Variants in SHPRH observed in about 807,000 individuals in gnomAD.
SHPRH encodes SNF2 histone linker PHD RING helicase.
SHPRH carries 106 observed loss-of-function variants against 202.5 expected under a neutral mutation model. The observed-to-expected ratio is 0.52, with a 90% CI of 0.45 to 0.62. The LOEUF (loss-of-function observed/expected upper bound fraction) is 0.62. Among genes scored for constraint, SHPRH ranks in the 20% least tolerant of loss-of-function variants. The pLI, the probability that SHPRH is intolerant of heterozygous loss-of-function variation, is 0.00. For synonymous variants in SHPRH, 729 were observed against 686.0 expected (o/e 1.06, Z -0.98); for missense variants, 1,710 against 2,020.0 (o/e 0.85, Z 2.94).
At chr6:145,865,607 A>G (rs1001741143) in intron 2 of SHPRH, among the ~76,000 whole-genome samples, 2 of 152,208 alleles carry the variant, frequency 1.3e-5, no homozygotes, top group African/African-American at 4.8e-5. Context: ...AATTTCCATC[A>G]CAGTTCAAGC....
intron 28 of SHPRH, among the ~76,000 whole-genome samples, chr6:145,889,328 G>A (rs555674646): frequency 6.6e-6 from 1 of 152,138 alleles, no homozygotes; most frequent in Admixed American, 6.5e-5. Flanking sequence ...AACCAGACAG[G>A]TTGACAGAGA....
chr6:145,917,876 C>T (rs571823221), intron 23 of SHPRH: 2 of 307,184 alleles, frequency 6.5e-6, no homozygotes, highest in South Asian at 3.1e-4. Context: ...CTATTCAAGG[C>T]TTTGAACTAC....
Position 145,943,408 on chromosome 6 carries a change from C to T in SHPRH, c.1973G>A (p.Arg658His), listed in dbSNP as rs201924970. Residue 658 changes from arginine to histidine, a missense_variant, in exon 9 of 30, where the codon CGC (arginine) becomes CAC (histidine). Arg to His is a conservative substitution (Grantham distance 29). Coordinates refer to ENST00000275233, the MANE Select transcript of SHPRH (RefSeq NM_001042683.3). ...TMSPFNTSDYRFECICGELDQ... is the reference protein window; with the variant it reads ...TMSPFNTSDYHFECICGELDQ... Reference sequence around the variant, plus strand: ...AAGTTCACCACATATACACTCAAAGCGGTAATCAGAGGTGTTAAAGGGACT... The same window carrying T: ...AAGTTCACCACATATACACTCAAAGTGGTAATCAGAGGTGTTAAAGGGACT... 699 of 1,613,984 alleles carry T rather than the reference C, an allele frequency of 4.3e-4. 1 individual carries two copies. The highest frequency in any genetic ancestry group is 1.1e-3 in the South Asian group (101 of 91,080).
At chr6:145,955,717 A>G (rs1449745053) in intron 1 of SHPRH, among the ~76,000 whole-genome samples, 1 of 152,162 alleles carries the variant, frequency 6.6e-6, no homozygotes, top group Admixed American at 6.6e-5. Flanking sequence ...ACAATACTTA[A>G]AAGAGCGAAA....
Position 145,943,146 on chromosome 6 carries a change from G to A in SHPRH, c.2235C>T (p.Val745=). The change falls in exon 9 of 30, where the codon GTC becomes GTT. Residue 745 remains valine, a synonymous_variant. Coordinates refer to ENST00000275233, the MANE Select transcript of SHPRH (RefSeq NM_001042683.3). The part of the protein sequence containing the change: ...NRHVRSSSLR[V]LVYQGVKKDG... ...TCTTTAGTCCAAGTGGCCTTACCAA[G>A]ACTCGAAGAGATGACGACCTCACAT... is the stretch of plus-strand genomic sequence containing the variant. 6.3e-7 allele frequency: 1 copy of A among 1,584,784 alleles called. No homozygotes were observed. The highest frequency in any genetic ancestry group is 8.6e-7 in the Non-Finnish European group (1 of 1,163,990).
Position 145,948,266 on chromosome 6 carries a change from C to T in SHPRH, c.1061+6G>A. On this transcript the variant is annotated splice_donor_region_variant and intron_variant, in intron 5 of 29. Coordinates refer to ENST00000275233, the MANE Select transcript of SHPRH (RefSeq NM_001042683.3). ...AATCAAGCATATAAGTAAAATTTTG[C>T]CTTACCAGCCTGTATATGGATTATA... 1.3e-6 allele frequency: 2 copies of T among 1,550,312 alleles called. No homozygotes were observed. The highest frequency in any genetic ancestry group is 1.3e-5 in the South Asian group (1 of 76,610).
intron 14 of SHPRH, among the ~76,000 whole-genome samples, chr6:145,931,290 CTCATT>C (rs1228638633): frequency 6.6e-6 from 1 of 151,772 alleles, no homozygotes; most frequent in Non-Finnish European, 1.5e-5. Context: ...TTCTAATCAT[CTCATT>C]TGTTTTTTGC....
At chr6:145,900,841 T>C (rs1782444740) in intron 25 of SHPRH, among the ~76,000 whole-genome samples, 1 of 152,134 alleles carries the variant, frequency 6.6e-6, no homozygotes, top group Non-Finnish European at 1.5e-5. Flanking sequence ...AAATATGCTG[T>C]ATTGTGATTT....
chr6:145,938,368 G>T (rs940711812), intron 11 of SHPRH, among the ~76,000 whole-genome samples: 1 of 152,118 alleles, frequency 6.6e-6, no homozygotes, highest in Non-Finnish European at 1.5e-5. Flanking sequence ...CTCTAGAATT[G>T]CGAGTTAAAC....
At chr6:145,958,795 T>C (rs1788763702) in intron 1 of SHPRH, among the ~76,000 whole-genome samples, 1 of 152,186 alleles carries the variant, frequency 6.6e-6, no homozygotes, top group South Asian at 2.1e-4. Context: ...TCCTATGGAC[T>C]AGTGACATCA....
At chr6:145,892,294 C>T (rs1781633600) in intron 28 of SHPRH, among the ~76,000 whole-genome samples, 1 of 152,094 alleles carries the variant, frequency 6.6e-6, no homozygotes, top group African/African-American at 2.4e-5. Flanking sequence ...ATAATTATTC[C>T]TTCAAGACTT....
chr6:145,875,757 A>G (rs1780272126), intron 2 of SHPRH, among the ~76,000 whole-genome samples: 1 of 152,168 alleles, frequency 6.6e-6, no homozygotes, highest in Non-Finnish European at 1.5e-5. Flanking sequence ...GCTCCACAGA[A>G]AGCTCTTCAG....
chr6:145,910,713 CA>C lies in SHPRH; in HGVS notation c.4327-78del, dbSNP rs569610071. 1,301 of 1,322,692 alleles carry C rather than the reference CA, an allele frequency of 9.8e-4. 7 individuals carry two copies. In the African/African-American group the frequency reaches 0.018, roughly 18 times the overall value. 81.9% of individuals were successfully genotyped at this position (1,322,692 alleles called of 1,614,324 possible). A position where few individuals can be genotyped will look rare whatever the true frequency, so the allele number is the denominator to read the frequency against. On this transcript the variant is annotated intron_variant, in intron 24 of 29. Coordinates refer to ENST00000275233, the MANE Select transcript of SHPRH (RefSeq NM_001042683.3). ...TATAAGCATATTAAAAAGAGATTCG[CA>C]ATTTTTCCTCCTAAAGATTTCATAA...
chr6:145,891,714 C>A (rs185971185), intron 28 of SHPRH, among the ~76,000 whole-genome samples: 3 of 152,080 alleles, frequency 2.0e-5, no homozygotes, highest in African/African-American at 7.2e-5. Flanking sequence ...GAGGCAAGAT[C>A]GCCATGGGGA....
intron 23 of SHPRH, among the ~76,000 whole-genome samples, chr6:145,913,825 C>T (rs1783707382): frequency 6.6e-6 from 1 of 152,044 alleles, no homozygotes; most frequent in Admixed American, 6.6e-5. Flanking sequence ...CTGAAATGCT[C>T]CAAAATCCAA....
At chr6:145,956,272 T>A (rs1269436921) in intron 1 of SHPRH, among the ~76,000 whole-genome samples, 1 of 151,710 alleles carries the variant, frequency 6.6e-6, no homozygotes, top group Non-Finnish European at 1.5e-5. Flanking sequence ...TGCATGAAAA[T>A]TTTCCAACTT....
intron 24 of SHPRH, among the ~76,000 whole-genome samples, chr6:145,911,855 T>C (rs1341967687): frequency 6.6e-6 from 1 of 152,138 alleles, no homozygotes; most frequent in African/African-American, 2.4e-5. Context: ...GCTAATACTA[T>C]TCCTACTGTT....
At chr6:145,959,445 C>T (rs1027544951) in intron 1 of SHPRH, among the ~76,000 whole-genome samples, 2 of 152,196 alleles carry the variant, frequency 1.3e-5, no homozygotes, top group African/African-American at 4.8e-5. Context: ...CTAGGAGCAG[C>T]AGGCTGTACC....
Position 145,918,202 on chromosome 6 carries a change from C to A in SHPRH, c.4183G>T (p.Asp1395Tyr). ...AGCTGTGATGTAGCAACAGCTTTATCATTTAGTAGTTTTATTCGGTTTTGT... is the reference window on the plus strand; with the variant it reads ...AGCTGTGATGTAGCAACAGCTTTATAATTTAGTAGTTTTATTCGGTTTTGT... ...VEQNRIKLLN[D>Y]KAVATSQLQK... The change falls in exon 23 of 30, where the codon GAT (aspartate) becomes TAT (tyrosine). Residue 1395 changes from aspartate to tyrosine, a missense_variant. Asp to Tyr is a radical substitution (Grantham distance 160, BLOSUM62 -3). Coordinates refer to ENST00000275233, the MANE Select transcript of SHPRH (RefSeq NM_001042683.3). 6.3e-7 allele frequency: 1 copy of A among 1,595,138 alleles called. No homozygotes were observed. The highest frequency in any genetic ancestry group is 1.4e-5 in the African/African-American group (1 of 73,970).
Sources: allele counts gnomAD v4.1 joint callset (sites outside exome capture counted in the v4.1 genomes callset), GRCh38; gene constraint gnomAD v4.1.1; transcripts MANE v1.5; gene names NCBI Gene and HGNC (gene_info 2026-07-23, HGNC 2026-07-21).